Variants in GPHN observed in about 807,000 individuals in gnomAD.
The protein encoded by GPHN is gephyrin.
GPHN carries 17 observed loss-of-function variants against 95.5 expected under a neutral mutation model. That is an observed-to-expected ratio of 0.18 (90% CI 0.12 to 0.27). GPHN has a LOEUF of 0.27. Among genes scored for constraint, GPHN ranks in the 10% least tolerant of loss-of-function variants. The pLI, the probability that GPHN is intolerant of heterozygous loss-of-function variation, is 1.00. For synonymous variants in GPHN, 320 were observed against 322.5 expected, an observed-to-expected ratio of 0.99 and a Z score of 0.08; for missense variants, 660 against 978.1, an observed-to-expected ratio of 0.67 and a Z score of 4.34.
At chr14:66,706,092 T>C (rs2069053287) in intron 2 of GPHN, among the ~76,000 whole-genome samples, 1 of 152,028 alleles carries the variant, frequency 6.6e-6, no homozygotes, top group Non-Finnish European at 1.5e-5. Context: ...TACCTAGGAA[T>C]ACAGCTAACA....
chr14:67,068,525 A>T (rs138611317), intron 11 of GPHN, among the ~76,000 whole-genome samples: 1,838 of 152,346 alleles, frequency 0.012, 19 homozygotes, highest in Non-Finnish European at 0.018. Context: ...TGTAAGGCAG[A>T]TTAAAATATT....
intron 9 of GPHN, among the ~76,000 whole-genome samples, chr14:67,007,788 C>G (rs903274788): frequency 7.2e-5 from 11 of 152,058 alleles, no homozygotes; most frequent in African/African-American, 2.2e-4. Context: ...TCTACCTGGC[C>G]TTTGCTTTAT....
the GPHN span, chr14:67,583,859 A>T: frequency 6.2e-7 from 1 of 1,613,622 alleles, no homozygotes; most frequent in Non-Finnish European, 8.5e-7. Flanking sequence ...CGCTATAGAC[A>T]TGGGGCCCCC....
At chr14:66,631,255 G>T (rs925823323) in intron 1 of GPHN, among the ~76,000 whole-genome samples, 3 of 151,836 alleles carry the variant, frequency 2.0e-5, no homozygotes, top group Non-Finnish European at 4.4e-5. Flanking sequence ...CACCATGTTG[G>T]TCGGGCTGGT....
chr14:67,008,538 A>AATTTATTTATTT (rs140066998), intron 9 of GPHN, among the ~76,000 whole-genome samples: 2 of 151,106 alleles, frequency 1.3e-5, no homozygotes, highest in African/African-American at 4.9e-5. Context: ...CTTTTTTTAA[A>AATTTATTTATTT]ATTTATTTAT....
At chr14:66,663,509 C>T (rs909141204) in intron 1 of GPHN, among the ~76,000 whole-genome samples, 2 of 152,174 alleles carry the variant, frequency 1.3e-5, no homozygotes, top group Non-Finnish European at 2.9e-5. Context: ...TCGTTACCAG[C>T]CACTACAAAA....
chr14:67,292,297 C>T, the GPHN span, among the ~76,000 whole-genome samples: 1 of 152,010 alleles, frequency 6.6e-6, no homozygotes, highest in Admixed American at 6.6e-5. Context: ...AATTAAAACA[C>T]CTTTGTAAAA....
chr14:67,397,896 T>C, the GPHN span: 8 of 1,304,724 alleles, frequency 6.1e-6, no homozygotes, highest in African/African-American at 1.0e-4. Context: ...GGAGGGGGTG[T>C]CTGGTGGCAC....
At chr14:66,699,792 G>A (rs978399562) in intron 2 of GPHN, among the ~76,000 whole-genome samples, 1 of 152,172 alleles carries the variant, frequency 6.6e-6, no homozygotes. Context: ...ATGCCAGACA[G>A]AAGTAAACTA....
chr14:67,427,340 C>T, the GPHN span, among the ~76,000 whole-genome samples: 1 of 152,186 alleles, frequency 6.6e-6, no homozygotes, highest in Non-Finnish European at 1.5e-5. Flanking sequence ...GAGAAGGTCT[C>T]GGGCAGGGAA....
chr14:66,774,931 T>A (rs2059328620), intron 2 of GPHN, among the ~76,000 whole-genome samples: 1 of 152,218 alleles, frequency 6.6e-6, no homozygotes, highest in African/African-American at 2.4e-5. Flanking sequence ...TAACTCCAGG[T>A]CTGCTCAGAT....
At chr14:67,055,810 C>T (rs1057316075) in intron 10 of GPHN, among the ~76,000 whole-genome samples, 4 of 152,186 alleles carry the variant, frequency 2.6e-5, no homozygotes, top group Admixed American at 2.6e-4. Context: ...TTTGTTCCTT[C>T]AGATGTTCAG....
intron 1 of GPHN, among the ~76,000 whole-genome samples, chr14:66,541,501 T>C (rs2140067102): frequency 6.6e-6 from 1 of 152,338 alleles, no homozygotes; most frequent in South Asian, 2.1e-4. Context: ...CAAAAATACC[T>C]ATGAAGAAGG....
At chr14:67,551,678 C>T in the GPHN span, among the ~76,000 whole-genome samples, 6 of 152,050 alleles carry the variant, frequency 3.9e-5, no homozygotes, top group Non-Finnish European at 8.8e-5. Context: ...CACATGAGGC[C>T]AGGAGTTTGA....
intron 1 of GPHN, among the ~76,000 whole-genome samples, chr14:66,665,660 G>A (rs972843797): frequency 3.9e-5 from 6 of 152,118 alleles, no homozygotes; most frequent in African/African-American, 1.2e-4. Flanking sequence ...TGGGACTGTA[G>A]ACTAGTTCAA....
At chr14:67,693,133 T>C in the GPHN span, 4 of 886,346 alleles carry the variant, frequency 4.5e-6, no homozygotes, top group African/African-American at 1.7e-5. Flanking sequence ...CTGTGTCTTC[T>C]GGCTGAGGTT....
chr14:67,551,037 A>T, the GPHN span, among the ~76,000 whole-genome samples: 1 of 152,210 alleles, frequency 6.6e-6, no homozygotes, highest in Non-Finnish European at 1.5e-5. Context: ...ATGTATATAC[A>T]CACAGCCCTA....
chr14:66,676,126 G>A (rs887761820), intron 1 of GPHN, among the ~76,000 whole-genome samples: 6 of 151,908 alleles, frequency 3.9e-5, no homozygotes, highest in Non-Finnish European at 8.8e-5. Context: ...AGTGAATATT[G>A]TACCCAATAG....
At chr14:67,662,042 G>A in the GPHN span, among the ~76,000 whole-genome samples, 1 of 151,802 alleles carries the variant, frequency 6.6e-6, no homozygotes, top group African/African-American at 2.4e-5. Flanking sequence ...TGTATTCCCA[G>A]CTACTTGGGA....
Sources: allele counts gnomAD v4.1 joint callset (sites outside exome capture counted in the v4.1 genomes callset), GRCh38; gene constraint gnomAD v4.1.1; transcripts MANE v1.5; gene names NCBI Gene and HGNC (gene_info 2026-07-23, HGNC 2026-07-21).